Variants in TMEM132D observed in about 807,000 individuals in gnomAD.
TMEM132D encodes the protein transmembrane protein 132D.
Under a neutral mutation model 62.3 loss-of-function variants are expected in TMEM132D, and 21 were observed. The ratio of observed to expected loss-of-function variants is 0.34; its 90% CI spans 0.24 to 0.49. TMEM132D has a LOEUF of 0.49. Ranked by LOEUF, TMEM132D falls within the 20% of genes least tolerant of loss-of-function variation. TMEM132D has a pLI of 0.99. For synonymous variants in TMEM132D, 621 were observed against 575.6 expected, an observed-to-expected ratio of 1.08 and a Z score of -1.13; for missense variants, 1,346 against 1,402.8, an observed-to-expected ratio of 0.96 and a Z score of 0.65.
intron 2 of TMEM132D, among the ~76,000 whole-genome samples, chr12:129,662,812 A>AAGAG (rs11465137): frequency 0.42 from 33,918 of 81,496 alleles, 9,037 homozygotes; most frequent in East Asian, 0.63. Flanking sequence ...AAAAAAAAAA[A>AAGAG]AGAGAGAGAG....
At chr12:129,899,138 T>C (rs1171985913) in intron 1 of TMEM132D, among the ~76,000 whole-genome samples, 1 of 150,680 alleles carries the variant, frequency 6.6e-6, no homozygotes, top group Admixed American at 6.6e-5. Flanking sequence ...GATGAATGGA[T>C]GGATGAAATG....
chr12:129,818,319 C>T (rs59866998), intron 1 of TMEM132D, among the ~76,000 whole-genome samples: 148,414 of 148,856 alleles, frequency 1, 73,986 homozygotes, highest in Middle Eastern at 1. Flanking sequence ...GTGTCTATGT[C>T]TGTGTATCTA....
At chr12:129,560,591 A>C (rs1325320916) in intron 2 of TMEM132D, among the ~76,000 whole-genome samples, 1 of 152,154 alleles carries the variant, frequency 6.6e-6, no homozygotes, top group Non-Finnish European at 1.5e-5. Context: ...ATTGCTAGAG[A>C]TATACAAGAA....
chr12:129,711,453 C>T (rs1442029802), intron 1 of TMEM132D, among the ~76,000 whole-genome samples: 2 of 152,154 alleles, frequency 1.3e-5, no homozygotes, highest in African/African-American at 2.4e-5. Context: ...AGGCCAGGCA[C>T]AGTGGCTCAC....
chr12:129,516,252 C>T (rs930648815), intron 3 of TMEM132D, among the ~76,000 whole-genome samples: 7 of 152,210 alleles, frequency 4.6e-5, no homozygotes, highest in East Asian at 1.9e-4. Context: ...TCTGACCCAA[C>T]TCCAAAAGTC....
At chr12:129,225,679 G>T (rs967108094) in intron 4 of TMEM132D, among the ~76,000 whole-genome samples, 1 of 152,150 alleles carries the variant, frequency 6.6e-6, no homozygotes, top group Non-Finnish European at 1.5e-5. Context: ...TGTAAATAAG[G>T]CTGCTTATTA....
chr12:129,866,844 T>C (rs1874075567), intron 1 of TMEM132D, among the ~76,000 whole-genome samples: 1 of 152,208 alleles, frequency 6.6e-6, no homozygotes, highest in Admixed American at 6.5e-5. Flanking sequence ...CTGCTCATCA[T>C]GCAGGGGGAT....
chr12:129,454,276 T>G (rs938099937), intron 3 of TMEM132D, among the ~76,000 whole-genome samples: 2 of 152,206 alleles, frequency 1.3e-5, no homozygotes, highest in African/African-American at 4.8e-5. Context: ...TTTAGAGGTC[T>G]TGGTGTAAGG....
At chr12:129,509,128 A>C (rs1875426401) in intron 3 of TMEM132D, among the ~76,000 whole-genome samples, 1 of 152,184 alleles carries the variant, frequency 6.6e-6, no homozygotes, top group Non-Finnish European at 1.5e-5. Context: ...CTGTGCAGAA[A>C]TGTAGAAAGC....
intron 3 of TMEM132D, among the ~76,000 whole-genome samples, chr12:129,475,861 G>A (rs1282458713): frequency 1.3e-5 from 2 of 152,200 alleles, no homozygotes; most frequent in African/African-American, 4.8e-5. Context: ...AAAAGTTCTA[G>A]ACAAAGCAAA....
At chr12:129,403,626 T>C (rs374094654) in intron 3 of TMEM132D, among the ~76,000 whole-genome samples, 259 of 152,144 alleles carry the variant, frequency 1.7e-3, no homozygotes, top group African/African-American at 5.7e-3. Flanking sequence ...AAATTACCAT[T>C]CATTGACCCT....
intron 1 of TMEM132D, among the ~76,000 whole-genome samples, chr12:129,831,042 C>T (rs1168233683): frequency 1.3e-5 from 2 of 152,164 alleles, no homozygotes; most frequent in African/African-American, 4.8e-5. Flanking sequence ...CTCTCTCTTT[C>T]CAAGCTCCTT....
chr12:129,637,849 C>G (rs908280964), intron 2 of TMEM132D, among the ~76,000 whole-genome samples: 1 of 152,048 alleles, frequency 6.6e-6, no homozygotes, highest in African/African-American at 2.4e-5. Flanking sequence ...TACTTTTAAA[C>G]CACCAGATCT....
At chr12:129,821,958 C>T (rs757039212) in intron 1 of TMEM132D, among the ~76,000 whole-genome samples, 3 of 152,144 alleles carry the variant, frequency 2.0e-5, no homozygotes, top group Non-Finnish European at 4.4e-5. Context: ...TGATCTCCTG[C>T]TGTATGCTGG....
chr12:129,712,701 T>C (rs1387061176), intron 1 of TMEM132D, among the ~76,000 whole-genome samples: 1 of 152,152 alleles, frequency 6.6e-6, no homozygotes, highest in African/African-American at 2.4e-5. Flanking sequence ...GTGGCTACCA[T>C]ACTGGACGTC....
At chr12:129,161,447 T>A (rs539830650) in intron 5 of TMEM132D, among the ~76,000 whole-genome samples, 7 of 152,224 alleles carry the variant, frequency 4.6e-5, no homozygotes, top group African/African-American at 1.7e-4. Context: ...CTCAAGAAAA[T>A]GTTTCAGAGG....
intron 2 of TMEM132D, among the ~76,000 whole-genome samples, chr12:129,582,425 T>C (rs917984264): frequency 2.0e-5 from 3 of 152,208 alleles, no homozygotes; most frequent in East Asian, 3.9e-4. Flanking sequence ...TTGCTCTCAA[T>C]GCAGAGTGTC....
chr12:129,444,796 G>T (rs1370629431), intron 3 of TMEM132D, among the ~76,000 whole-genome samples: 1 of 152,170 alleles, frequency 6.6e-6, no homozygotes, highest in Non-Finnish European at 1.5e-5. Context: ...TCTCATACCA[G>T]TCAGAATGGC....
intron 1 of TMEM132D, among the ~76,000 whole-genome samples, chr12:129,828,499 AT>A (rs1872720609): frequency 6.6e-6 from 1 of 151,326 alleles, no homozygotes; most frequent in African/African-American, 2.4e-5. Context: ...TCCCCTCCCA[AT>A]ATCACAACCA....
Sources: allele counts gnomAD v4.1 joint callset (sites outside exome capture counted in the v4.1 genomes callset), GRCh38; gene constraint gnomAD v4.1.1; transcripts MANE v1.5; gene names NCBI Gene and HGNC (gene_info 2026-07-23, HGNC 2026-07-21).